GRIA4: variants seen among roughly 807,000 people sequenced by gnomAD.
GRIA4 encodes glutamate receptor 4.
A neutral mutation model predicts 104.0 loss-of-function variants in GRIA4; 34 were observed. That is an observed-to-expected ratio of 0.33 (90% CI 0.25 to 0.44). The LOEUF (loss-of-function observed/expected upper bound fraction) is 0.44. GRIA4 is among the 20% of genes least tolerant of loss of function. The pLI is 1.00. For missense variants in GRIA4, 750 were observed against 1,096.5 expected, an observed-to-expected ratio of 0.68 and a Z score of 4.46; for synonymous variants, 386 against 381.9, an observed-to-expected ratio of 1.01 and a Z score of -0.13.
intron 4 of GRIA4, among the ~76,000 whole-genome samples, chr11:105,810,199 A>G (rs1943116318): frequency 6.6e-6 from 1 of 152,116 alleles, no homozygotes; most frequent in Non-Finnish European, 1.5e-5. Context: ...TCTCCTTTGA[A>G]CCCAAACAAA....
intron 4 of GRIA4, among the ~76,000 whole-genome samples, chr11:105,843,148 C>A (rs142661159): frequency 6.6e-6 from 1 of 152,156 alleles, no homozygotes; most frequent in East Asian, 1.9e-4. Flanking sequence ...CTCTTCCAAG[C>A]GCTCTGCCTT....
At chr11:105,818,612 C>T (rs1201224469) in intron 4 of GRIA4, among the ~76,000 whole-genome samples, 1 of 152,128 alleles carries the variant, frequency 6.6e-6, no homozygotes. Context: ...GCTTTTGTCA[C>T]CTTAGAGCAT....
intron 3 of GRIA4, among the ~76,000 whole-genome samples, chr11:105,690,360 G>A (rs944440274): frequency 6.6e-6 from 1 of 152,124 alleles, no homozygotes; most frequent in Non-Finnish European, 1.5e-5. Context: ...TTTTCTTTAA[G>A]GAATTGATAG....
chr11:105,636,173 A>T (rs1951196872), intron 3 of GRIA4, among the ~76,000 whole-genome samples: 1 of 152,218 alleles, frequency 6.6e-6, no homozygotes. Flanking sequence ...TCATCAGTTC[A>T]GTTCTTATTA....
intron 5 of GRIA4, among the ~76,000 whole-genome samples, chr11:105,869,990 A>G (rs1945555744): frequency 6.6e-6 from 1 of 152,066 alleles, no homozygotes. Context: ...AATGAAAGAC[A>G]GTTTAAGATT....
In GRIA4 at chr11:105,686,872, C is replaced by T. The variant is rs1305321885; in HGVS notation, c.248-66109C>T. On this transcript the variant is annotated intron_variant, in intron 3 of 16. Transcript: ENST00000282499. ...TGTTTGTTGGCTGCCATTTTGTCAT[C>T]TTTTGAGAAGTGTCTGTTCATGTAT... 2.0e-5 allele frequency among the ~76,000 whole-genome samples: 3 copies of T among 152,072 alleles called. No homozygotes were observed. The South Asian group carries it at 6.2e-4, about 32-fold the overall frequency.
intron 4 of GRIA4, among the ~76,000 whole-genome samples, chr11:105,798,665 A>C (rs1214279601): frequency 6.6e-6 from 1 of 152,118 alleles, no homozygotes; most frequent in Non-Finnish European, 1.5e-5. Context: ...TTGAACTGGC[A>C]CTAGGAGTGG....
intron 16 of GRIA4, among the ~76,000 whole-genome samples, chr11:105,975,172 C>G (rs2136291254): frequency 6.6e-6 from 1 of 152,250 alleles, no homozygotes; most frequent in South Asian, 2.1e-4. Flanking sequence ...GAGTGATCAT[C>G]AGAATTTTGA....
chr11:105,645,974 G>T (rs1317437931), intron 3 of GRIA4, among the ~76,000 whole-genome samples: 3 of 152,152 alleles, frequency 2.0e-5, no homozygotes, highest in Non-Finnish European at 4.4e-5. Flanking sequence ...CATGAAGGAA[G>T]AAGAAGGAGA....
chr11:105,747,756 A>G lies in GRIA4; in HGVS notation c.248-5225A>G, dbSNP rs562437928. 1.6e-4 allele frequency among the ~76,000 whole-genome samples: 25 copies of G among 152,270 alleles called. 1 individual carries two copies. In the South Asian group the frequency reaches 4.1e-3, roughly 25 times the overall value. On this transcript the variant is annotated intron_variant, in intron 3 of 16. Coordinates refer to ENST00000282499, the MANE Select transcript of GRIA4 (RefSeq NM_000829.4). ...AAAGATTCATACCCCTTATTTTATA[A>G]TTTCACTTCTAGCAATATATCCTAA... is the stretch of plus-strand genomic sequence containing the variant.
chr11:105,811,566 A>G (rs1192623088), intron 4 of GRIA4, among the ~76,000 whole-genome samples: 2 of 152,132 alleles, frequency 1.3e-5, no homozygotes, highest in Non-Finnish European at 2.9e-5. Flanking sequence ...CATTGTCTAC[A>G]TGTTTTAATG....
intron 4 of GRIA4, among the ~76,000 whole-genome samples, chr11:105,801,606 A>G (rs1005000399): frequency 6.6e-6 from 1 of 152,080 alleles, no homozygotes; most frequent in African/African-American, 2.4e-5. Context: ...AAATCTTCCA[A>G]TTGAAAACTT....
intron 4 of GRIA4, among the ~76,000 whole-genome samples, chr11:105,777,166 A>ATT (rs1941488370): frequency 6.6e-6 from 1 of 152,112 alleles, no homozygotes; most frequent in African/African-American, 2.4e-5. Context: ...AGTGATTCTA[A>ATT]TTTTTTTCTT....
intron 14 of GRIA4, among the ~76,000 whole-genome samples, chr11:105,938,433 A>G (rs1406485482): frequency 6.6e-6 from 1 of 152,196 alleles, no homozygotes; most frequent in African/African-American, 2.4e-5. Flanking sequence ...AAAGCTGAGT[A>G]CTGAGTATAC....
intron 9 of GRIA4, among the ~76,000 whole-genome samples, chr11:105,908,084 G>A (rs139419945): frequency 1.0e-3 from 153 of 152,216 alleles, no homozygotes; most frequent in African/African-American, 3.3e-3. Flanking sequence ...AACCAACTTT[G>A]AGTAGAACAG....
chr11:105,772,426 G>A (rs1300248716), intron 4 of GRIA4, among the ~76,000 whole-genome samples: 3 of 152,064 alleles, frequency 2.0e-5, no homozygotes, highest in Admixed American at 6.6e-5. Flanking sequence ...TTACAGTATC[G>A]AGAAACACAG....
At chr11:105,868,552 G>A (rs1452903758) in intron 5 of GRIA4, among the ~76,000 whole-genome samples, 1 of 152,138 alleles carries the variant, frequency 6.6e-6, no homozygotes, top group Non-Finnish European at 1.5e-5. Context: ...ACAGGCAGGA[G>A]ACACATTTTG....
chr11:105,872,831 T>C (rs1330995579), intron 5 of GRIA4, among the ~76,000 whole-genome samples: 1 of 152,120 alleles, frequency 6.6e-6, no homozygotes, highest in East Asian at 1.9e-4. Context: ...AACTATACTG[T>C]GAATAGTTTA....
chr11:105,772,042 T>G (rs934255622), intron 4 of GRIA4, among the ~76,000 whole-genome samples: 1 of 152,092 alleles, frequency 6.6e-6, no homozygotes, highest in Non-Finnish European at 1.5e-5. Flanking sequence ...TACATACTAA[T>G]CCACTGTAAT....
Sources: allele counts gnomAD v4.1 joint callset (sites outside exome capture counted in the v4.1 genomes callset), GRCh38; gene constraint gnomAD v4.1.1; transcripts MANE v1.5; gene names NCBI Gene and HGNC (gene_info 2026-07-23, HGNC 2026-07-21).